Variants in RICTOR observed in about 807,000 individuals in gnomAD.
RICTOR encodes the protein RPTOR independent companion of MTOR complex 2, also known as rapamycin-insensitive companion of mTOR.
A neutral mutation model predicts 214.9 loss-of-function variants in RICTOR; 49 were observed. The observed-to-expected ratio is 0.23, with a 90% CI of 0.18 to 0.29. The LOEUF (loss-of-function observed/expected upper bound fraction) is 0.29, where lower values mean the gene tolerates loss of function less well. Among genes scored for constraint, RICTOR ranks in the 10% least tolerant of loss-of-function variants. RICTOR has a pLI of 1.00. For missense variants in RICTOR, 1,625 were observed against 2,047.0 expected, an observed-to-expected ratio of 0.79 and a Z score of 3.98; for synonymous variants, 717 against 711.3, an observed-to-expected ratio of 1.01 and a Z score of -0.13.
At chr5:38,982,674 T>C (rs1463651873) in intron 7 of RICTOR, among the ~76,000 whole-genome samples, 1 of 152,070 alleles carries the variant, frequency 6.6e-6, no homozygotes, top group Non-Finnish European at 1.5e-5. Flanking sequence ...TTATGATACA[T>C]TAAAGTTTTC....
chr5:39,073,939 C>T (rs1338255300), intron 2 of RICTOR, among the ~76,000 whole-genome samples, 172 bp downstream of exon 2: 1 of 151,654 alleles, frequency 6.6e-6, no homozygotes, highest in Non-Finnish European at 1.5e-5. Flanking sequence ...GGGATGGGTC[C>T]GGCGAGGCGG....
intron 5 of RICTOR, 46 bp downstream of exon 5, chr5:39,002,489 T>C: frequency 1.4e-6 from 2 of 1,409,976 alleles, no homozygotes; most frequent in Non-Finnish European, 9.8e-7. Flanking sequence ...TGCTAAAAAC[T>C]CAACACAAAA....
Position 38,998,796 on chromosome 5 carries a change from C to A in RICTOR, c.393-1914G>T, listed in dbSNP as rs139805361. Among the ~76,000 whole-genome samples, 486 of 152,106 alleles carry A rather than the reference C, an allele frequency of 3.2e-3. 6 individuals are homozygous for A. The highest frequency in any genetic ancestry group is 0.011 in the African/African-American group (469 of 41,520). ...TTGGGAGGCAGAGGCAGGCGGATTG[C>A]TGGAGCTCAGGAGTTCAAGACCAGC... is the stretch of plus-strand genomic sequence containing the variant. On this transcript the variant is annotated intron_variant, in intron 5 of 37. Transcript: ENST00000357387.
chr5:39,051,457 C>T lies in RICTOR; in HGVS notation c.97+22654G>A, dbSNP rs139947900. Reference sequence around the variant, plus strand: ...TTGCTTGCAAATTATGGAGCAAGAACGTGAATTTCGGCTGGGCACGGTGGC... The same window carrying T: ...TTGCTTGCAAATTATGGAGCAAGAATGTGAATTTCGGCTGGGCACGGTGGC... On this transcript the variant is annotated intron_variant, in intron 2 of 37. Coordinates refer to ENST00000357387, the MANE Select transcript of RICTOR (RefSeq NM_152756.5). Among the ~76,000 whole-genome samples, 652 of 152,214 alleles carry T rather than the reference C, an allele frequency of 4.3e-3. 4 individuals are homozygous for T. Among genetic ancestry groups the T allele is most frequent in the African/African-American group, 0.014 (579 of 41,532 alleles).
At chr5:39,033,260 CTT>C (rs1554075189) in intron 2 of RICTOR, among the ~76,000 whole-genome samples, 1 of 144,560 alleles carries the variant, frequency 6.9e-6, no homozygotes, top group African/African-American at 2.5e-5. Context: ...GTGTCCTACT[CTT>C]TTTTTTTTTT....
At chr5:38,971,052 GGCTGGAGT>G (rs1283447437) in intron 11 of RICTOR, 1 of 152,548 alleles carries the variant, frequency 6.6e-6, no homozygotes. Flanking sequence ...TTGTTGCCCA[GGCTGGAGT>G]GCAATGGTGC....
At chr5:39,013,633 C>A (rs564426340) in intron 3 of RICTOR, among the ~76,000 whole-genome samples, 2 of 151,914 alleles carry the variant, frequency 1.3e-5, no homozygotes, top group African/African-American at 4.8e-5. Flanking sequence ...AAACAACAAC[C>A]CTAATTTTAA....
intron 2 of RICTOR, among the ~76,000 whole-genome samples, chr5:39,073,692 C>G (rs1396302500): frequency 2.6e-5 from 4 of 152,144 alleles, no homozygotes; most frequent in Admixed American, 2.6e-4. Flanking sequence ...ACGGGGAGGG[C>G]AGGATGTGGT....
At chr5:38,976,892 T>G (rs1751275345) in intron 9 of RICTOR, among the ~76,000 whole-genome samples, 1 of 152,192 alleles carries the variant, frequency 6.6e-6, no homozygotes, top group Non-Finnish European at 1.5e-5. Flanking sequence ...TATCCCAAGA[T>G]TCCATGACCT....
Position 38,945,731 on chromosome 5 carries a change from A to G in RICTOR, c.4400-7T>C, listed in dbSNP as rs749962017. ...CCAGTTCCAGATGGAAGACCTGTGC[A>G]TAAGTAAATATAAAACATAATCCAA... On this transcript the variant is annotated splice_polypyrimidine_tract_variant and splice_region_variant and intron_variant, in intron 33 of 37. Coordinates refer to ENST00000357387, the MANE Select transcript of RICTOR (RefSeq NM_152756.5). 3 of 1,390,710 alleles carry G rather than the reference A, an allele frequency of 2.2e-6. No individual in the cohort carries two copies. Among genetic ancestry groups the G allele is most frequent in the Non-Finnish European group, 3.1e-6 (3 of 982,376 alleles). 86.1% of individuals were successfully genotyped at this position (1,390,710 alleles called of 1,614,324 possible). A position where few individuals can be genotyped will look rare whatever the true frequency, so the allele number is the denominator to read the frequency against.
chr5:38,976,861 G>A (rs779859435), intron 9 of RICTOR, among the ~76,000 whole-genome samples: 8 of 152,138 alleles, frequency 5.3e-5, no homozygotes, highest in Non-Finnish European at 1.0e-4. Context: ...ATCATCATAT[G>A]CAGAATTCTA....
intron 2 of RICTOR, among the ~76,000 whole-genome samples, chr5:39,063,431 C>T (rs1758685125): frequency 6.6e-6 from 1 of 152,090 alleles, no homozygotes. Context: ...AACGTTCATT[C>T]AAAAAATTAA....
At chr5:38,989,579 G>C (rs1432879993) in intron 7 of RICTOR, among the ~76,000 whole-genome samples, 1 of 151,792 alleles carries the variant, frequency 6.6e-6, no homozygotes, top group Non-Finnish European at 1.5e-5. Flanking sequence ...CTACAGAATG[G>C]GAAAAAAATT....
intron 23 of RICTOR, 36 bp from the exon 24 acceptor site, chr5:38,958,555 CA>C (rs1561458090): frequency 6.4e-7 from 1 of 1,560,790 alleles, no homozygotes; most frequent in South Asian, 1.2e-5. Context: ...TATAATTGCA[CA>C]AAAATAGCAA....
intron 2 of RICTOR, among the ~76,000 whole-genome samples, chr5:39,062,875 G>A (rs9292730): frequency 0.18 from 27,442 of 151,936 alleles, 2,683 homozygotes; most frequent in Middle Eastern, 0.22. Context: ...TAGAGGGCTG[G>A]GTAGGGTGTC....
At chr5:39,036,074 G>A (rs1251607990) in intron 2 of RICTOR, among the ~76,000 whole-genome samples, 1 of 152,126 alleles carries the variant, frequency 6.6e-6, no homozygotes, top group Non-Finnish European at 1.5e-5. Flanking sequence ...GAGAAAGGTC[G>A]GGTTACCCAC....
In RICTOR at chr5:38,942,892, A is replaced by ATGT; in HGVS notation, c.4990_4992dup (p.Thr1664dup). The ATGT allele has an allele frequency of 6.2e-7, 1 of 1,611,054 alleles. No homozygotes were observed. The highest frequency in any genetic ancestry group is 8.5e-7 in the Non-Finnish European group (1 of 1,177,186). On this transcript the variant is annotated inframe_insertion, in exon 37 of 38. Transcript: ENST00000357387. ...ATGAACCTCCGACACGGAAGTCTGAATGTGCAGTGTGACAGCAAATGGGAA... is the reference window on the plus strand; with the variant it reads ...ATGAACCTCCGACACGGAAGTCTGAATGTTGTGCAGTGTGACAGCAAATGGGAA...
chr5:38,944,606 T>C, intron 35 of RICTOR, 37 bp from the exon 36 acceptor site: 6 of 1,521,024 alleles, frequency 3.9e-6, no homozygotes, highest in Non-Finnish European at 5.4e-6. Context: ...ATATTATCTA[T>C]GTCACAATAA....
intron 11 of RICTOR, 109 bp downstream of exon 11, chr5:38,971,768 G>T (rs1750807520): frequency 1.1e-5 from 7 of 635,984 alleles, no homozygotes; most frequent in Non-Finnish European, 1.4e-5. Flanking sequence ...ATATGATCTA[G>T]ATTAACAACT....
Sources: allele counts gnomAD v4.1 joint callset (sites outside exome capture counted in the v4.1 genomes callset), GRCh38; gene constraint gnomAD v4.1.1; transcripts MANE v1.5; gene names NCBI Gene and HGNC (gene_info 2026-07-23, HGNC 2026-07-21).